Variants in TMTC1 observed in about 807,000 individuals in gnomAD.
TMTC1 encodes the protein transmembrane O-mannosyltransferase targeting cadherins 1.
TMTC1 carries 73 observed loss-of-function variants against 104.8 expected under a neutral mutation model. The observed-to-expected ratio is 0.70, with a 90% CI of 0.58 to 0.85. The LOEUF (loss-of-function observed/expected upper bound fraction) is 0.85, where lower values mean the gene tolerates loss of function less well. TMTC1 is among the 40% of genes least tolerant of loss of function. TMTC1 has a pLI of 0.00. For synonymous variants in TMTC1, 434 were observed against 428.7 expected (o/e 1.01, Z -0.15); for missense variants, 1,035 against 1,096.1 (o/e 0.94, Z 0.79).
At chr12:29,534,588 G>A (rs190431850) in intron 11 of TMTC1, 1 of 152,170 alleles carries the variant, frequency 6.6e-6, no homozygotes, top group Non-Finnish European at 1.5e-5. Context: ...TAAGCCATCT[G>A]ACACTTCTTA....
intron 5 of TMTC1, among the ~76,000 whole-genome samples, chr12:29,709,923 C>T (rs998514433): frequency 2.0e-5 from 3 of 152,088 alleles, no homozygotes; most frequent in African/African-American, 4.8e-5. Context: ...GCTTTCCAAT[C>T]GCAGAACATG....
chr12:29,704,222 A>G (rs1377406172), intron 5 of TMTC1, among the ~76,000 whole-genome samples: 1 of 152,244 alleles, frequency 6.6e-6, no homozygotes, highest in Non-Finnish European at 1.5e-5. Flanking sequence ...TTCAAAACAT[A>G]GTAGTACCAT....
At chr12:29,553,898 C>A (rs1283293831) in intron 10 of TMTC1, among the ~76,000 whole-genome samples, 1 of 152,132 alleles carries the variant, frequency 6.6e-6, no homozygotes, top group Non-Finnish European at 1.5e-5. Flanking sequence ...CAATTAGAGC[C>A]AAATTCAGCA....
chr12:29,588,539 A>G (rs962949342), intron 7 of TMTC1, among the ~76,000 whole-genome samples: 1 of 152,226 alleles, frequency 6.6e-6, no homozygotes, highest in Non-Finnish European at 1.5e-5. Flanking sequence ...TTAACTATGT[A>G]CCTAACACTA....
chr12:29,512,336 C>T (rs1229036740), intron 16 of TMTC1, among the ~76,000 whole-genome samples: 3 of 152,122 alleles, frequency 2.0e-5, no homozygotes, highest in African/African-American at 4.8e-5. Context: ...GCAGAGCTGA[C>T]CTTTGGACTT....
chr12:29,664,200 TAAAA>T (rs377096919), intron 5 of TMTC1, among the ~76,000 whole-genome samples: 2,713 of 135,588 alleles, frequency 0.02, 47 homozygotes, highest in Middle Eastern at 0.095. Context: ...AAAATAAAAA[TAAAA>T]AATAAAAAAA....
chr12:29,773,631 GTT>G (rs1381558733), intron 1 of TMTC1, among the ~76,000 whole-genome samples: 1 of 152,138 alleles, frequency 6.6e-6, no homozygotes. Flanking sequence ...TGAAGCTGGA[GTT>G]TTCCTGGAAT....
chr12:29,648,623 A>C (rs1160079472), intron 5 of TMTC1, among the ~76,000 whole-genome samples: 3 of 152,130 alleles, frequency 2.0e-5, no homozygotes, highest in Non-Finnish European at 4.4e-5. Context: ...TCATCCTTCT[A>C]GCTCCTTCTG....
At position 29,737,207 on chromosome 12, in the gene TMTC1, G is replaced by T. The variant is rs527877078; in HGVS notation, c.938+14459C>A. On this transcript the variant is annotated intron_variant, in intron 5 of 17. Coordinates refer to ENST00000539277, the MANE Select transcript of TMTC1 (RefSeq NM_001193451.2). Reference sequence around the variant, plus strand: ...ATGCCATGGCTCAGAGCCAGGCAGAGCAGCAGCACCCAACATGCAAAACAG... The same window carrying T: ...ATGCCATGGCTCAGAGCCAGGCAGATCAGCAGCACCCAACATGCAAAACAG... Among the ~76,000 whole-genome samples, 343 of 152,304 alleles carry T rather than the reference G, an allele frequency of 2.3e-3. 6 individuals carry two copies. Among genetic ancestry groups the T allele is most frequent in the Admixed American group, 0.012 (180 of 15,300 alleles).
chr12:29,712,071 C>T (rs1401280664), intron 5 of TMTC1, among the ~76,000 whole-genome samples: 1 of 147,228 alleles, frequency 6.8e-6, no homozygotes, highest in African/African-American at 2.5e-5. Flanking sequence ...CTTTGGGAAG[C>T]TCTTCATCAG....
At chr12:29,755,628 A>T in intron 4 of TMTC1, 81 bp downstream of exon 4, 1 of 1,240,492 alleles carries the variant, frequency 8.1e-7, no homozygotes, top group Non-Finnish European at 1.1e-6. Context: ...TATATTTTTT[A>T]AATGGAAGTT....
intron 5 of TMTC1, among the ~76,000 whole-genome samples, chr12:29,741,378 A>G (rs1432788389): frequency 6.6e-6 from 1 of 152,220 alleles, no homozygotes; most frequent in Non-Finnish European, 1.5e-5. Flanking sequence ...GAGTATGGTC[A>G]TGTAAAAAGA....
chr12:29,553,589 C>A (rs946170357), intron 10 of TMTC1, among the ~76,000 whole-genome samples: 1 of 152,192 alleles, frequency 6.6e-6, no homozygotes, highest in East Asian at 1.9e-4. Flanking sequence ...AAAAAAGGCA[C>A]TCAGGAAACA....
At chr12:29,696,852 CATT>C (rs1941439278) in intron 5 of TMTC1, among the ~76,000 whole-genome samples, 2 of 151,922 alleles carry the variant, frequency 1.3e-5, no homozygotes, top group Non-Finnish European at 2.9e-5. Context: ...TTATAATTTG[CATT>C]ATAATAAAAC....
chr12:29,596,417 C>T (rs776293344), intron 7 of TMTC1, among the ~76,000 whole-genome samples: 2 of 152,214 alleles, frequency 1.3e-5, no homozygotes, highest in Non-Finnish European at 2.9e-5. Flanking sequence ...GGTGATCCCA[C>T]GTCATTGTTC....
chr12:29,725,012 TTC>T lies in TMTC1; in HGVS notation c.938+26652_938+26653del, dbSNP rs1319223138. 1.4e-3 allele frequency among the ~76,000 whole-genome samples: 104 copies of T among 73,524 alleles called. 4 individuals carry two copies. The highest frequency in any genetic ancestry group is 2.5e-3 in the African/African-American group (68 of 27,144). The allele number at this position is 73,524 out of a possible 152,430, so 48.2% of individuals were successfully genotyped here. ...GTAGTTTAGCTATATATCTGCCAAG[TTC>T]TTTTTTTTTTTTTTTTTTTTTTTTG... On this transcript the variant is annotated intron_variant, in intron 5 of 17. Coordinates refer to ENST00000539277, the MANE Select transcript of TMTC1 (RefSeq NM_001193451.2).
chr12:29,697,833 G>T (rs894011002), intron 5 of TMTC1, among the ~76,000 whole-genome samples: 1 of 152,146 alleles, frequency 6.6e-6, no homozygotes, highest in Non-Finnish European at 1.5e-5. Context: ...TATTACCAAG[G>T]ACAATCCACT....
chr12:29,715,416 A>G (rs1431701073), intron 5 of TMTC1, among the ~76,000 whole-genome samples: 1 of 152,244 alleles, frequency 6.6e-6, no homozygotes, highest in Non-Finnish European at 1.5e-5. Flanking sequence ...GCAATAAATA[A>G]TAGTTAGCAT....
chr12:29,716,963 C>T (rs948469151), intron 5 of TMTC1, among the ~76,000 whole-genome samples: 23 of 152,082 alleles, frequency 1.5e-4, no homozygotes, highest in African/African-American at 4.6e-4. Context: ...TGCAGTGAGC[C>T]GAGATCGAGC....
Sources: gnomAD v4.1 joint callset for allele counts (sites outside exome capture counted in the v4.1 genomes callset) on GRCh38, gnomAD v4.1.1 for gene constraint, MANE v1.5 for transcripts, NCBI Gene and HGNC (gene_info 2026-07-23, HGNC 2026-07-21) for gene names.